The following PRKG1 variants were observed in gnomAD, a reference collection of about 807,000 sequenced individuals.
PRKG1 encodes the protein protein kinase cGMP-dependent 1.
Under a neutral mutation model 88.1 loss-of-function variants are expected in PRKG1, and 35 were observed. That is an observed-to-expected ratio of 0.40 (90% CI 0.30 to 0.53). The LOEUF (loss-of-function observed/expected upper bound fraction) is 0.53. Among genes scored for constraint, PRKG1 ranks in the 20% least tolerant of loss-of-function variants. PRKG1 has a pLI of 0.59. For synonymous variants in PRKG1, 303 were observed against 292.5 expected (o/e 1.04, Z -0.37); for missense variants, 540 against 839.8 (o/e 0.64, Z 4.41).
chr10:51,894,993 A>G (rs58346804), intron 4 of PRKG1, among the ~76,000 whole-genome samples: 1,897 of 152,308 alleles, frequency 0.012, 40 homozygotes, highest in African/African-American at 0.044. Flanking sequence ...AAGATGCCTA[A>G]CTGATGAGAA....
At chr10:51,184,848 G>A (rs1433373247) in intron 2 of PRKG1, among the ~76,000 whole-genome samples, 2 of 152,096 alleles carry the variant, frequency 1.3e-5, no homozygotes, top group Non-Finnish European at 2.9e-5. Context: ...AGGTCAAGAG[G>A]CTGACCTTCA....
chr10:51,292,591 T>C (rs1840611564), intron 2 of PRKG1, among the ~76,000 whole-genome samples: 2 of 152,148 alleles, frequency 1.3e-5, no homozygotes, highest in Non-Finnish European at 2.9e-5. Context: ...TAGGATTTGG[T>C]TTTTCTGCAT....
At chr10:51,915,547 A>ATGTG (rs144317430) in intron 5 of PRKG1, among the ~76,000 whole-genome samples, 12 of 145,234 alleles carry the variant, frequency 8.3e-5, no homozygotes, top group African/African-American at 2.7e-4. Context: ...GTGTGTGTGT[A>ATGTG]TGTGTGTGTG....
rs558964035 is a variant in PRKG1, at chr10:51,717,300, G to A, written c.593-87285G>A. Reference sequence around the variant, plus strand: ...GACATGAGCTCTGAGTAACAGCTTAGGCAACAGTTTGGGAACTGTTTGGGA... The same window carrying A: ...GACATGAGCTCTGAGTAACAGCTTAAGCAACAGTTTGGGAACTGTTTGGGA... On this transcript the variant is annotated intron_variant, in intron 3 of 17. Coordinates refer to ENST00000373980, the MANE Select transcript of PRKG1 (RefSeq NM_006258.4). Among the ~76,000 whole-genome samples the A allele has an allele frequency of 1.1e-4, 17 of 152,294 alleles. No homozygotes were observed. In the South Asian group the frequency reaches 2.7e-3, roughly 24 times the overall value.
chr10:52,056,422 A>C (rs1846111248), intron 6 of PRKG1, among the ~76,000 whole-genome samples: 2 of 152,162 alleles, frequency 1.3e-5, no homozygotes, highest in Non-Finnish European at 1.5e-5. Context: ...TTTTGTTACC[A>C]CCCTGTTAGT....
At chr10:51,660,560 C>T (rs193232172) in intron 3 of PRKG1, among the ~76,000 whole-genome samples, 1 of 152,238 alleles carries the variant, frequency 6.6e-6, no homozygotes, top group Admixed American at 6.5e-5. Context: ...CTTATAGTGA[C>T]TCTTTCTCAT....
At chr10:51,998,684 T>G (rs1844516139) in intron 5 of PRKG1, among the ~76,000 whole-genome samples, 2 of 152,216 alleles carry the variant, frequency 1.3e-5, no homozygotes, top group Non-Finnish European at 2.9e-5. Flanking sequence ...CATAGGTGTT[T>G]GTTTGTTACA....
intron 2 of PRKG1, among the ~76,000 whole-genome samples, chr10:51,324,671 G>A (rs1841541797): frequency 1.3e-5 from 2 of 152,092 alleles, no homozygotes; most frequent in Admixed American, 1.3e-4. Flanking sequence ...AACCTGGGAG[G>A]CGGAGCTTGC....
At chr10:51,009,750 C>A (rs1341938526) in intron 1 of PRKG1, among the ~76,000 whole-genome samples, 3 of 152,046 alleles carry the variant, frequency 2.0e-5, no homozygotes, top group African/African-American at 7.2e-5. Flanking sequence ...TTCAAAGAAT[C>A]CAGATTTCTG....
chr10:51,572,502 C>T (rs926767660), intron 3 of PRKG1, among the ~76,000 whole-genome samples: 1 of 151,742 alleles, frequency 6.6e-6, no homozygotes, highest in African/African-American at 2.4e-5. Flanking sequence ...AGACATTATC[C>T]AGGTCAATAT....
intron 8 of PRKG1, among the ~76,000 whole-genome samples, chr10:52,160,304 A>G (rs1838245086): frequency 6.6e-6 from 1 of 151,966 alleles, no homozygotes; most frequent in African/African-American, 2.4e-5. Flanking sequence ...TGTGGGAATT[A>G]TATTTATTAT....
At chr10:51,522,868 C>A (rs1841771063) in intron 3 of PRKG1, among the ~76,000 whole-genome samples, 2 of 152,020 alleles carry the variant, frequency 1.3e-5, no homozygotes, top group African/African-American at 4.8e-5. Context: ...GACTTTAATG[C>A]TCTTAAGGTG....
intron 14 of PRKG1, among the ~76,000 whole-genome samples, chr10:52,282,669 A>G (rs558225418): frequency 4.1e-4 from 62 of 152,228 alleles, no homozygotes; most frequent in African/African-American, 1.3e-3. Flanking sequence ...TCAATTTTCT[A>G]TAGAAGTAAG....
chr10:51,528,313 G>T (rs1039348493), intron 3 of PRKG1, among the ~76,000 whole-genome samples: 2 of 152,142 alleles, frequency 1.3e-5, no homozygotes, highest in African/African-American at 4.8e-5. Flanking sequence ...TTGAATATTA[G>T]AAAGTCAGTT....
chr10:52,124,263 C>T (rs1157882212), intron 7 of PRKG1, among the ~76,000 whole-genome samples: 1 of 152,168 alleles, frequency 6.6e-6, no homozygotes, highest in East Asian at 1.9e-4. Context: ...AGTCTACTCA[C>T]ACAAACCTAG....
intron 3 of PRKG1, among the ~76,000 whole-genome samples, chr10:51,502,377 G>C (rs1434398179): frequency 6.6e-6 from 1 of 152,140 alleles, no homozygotes; most frequent in Non-Finnish European, 1.5e-5. Context: ...GCTCTGAGGA[G>C]CACAAATTGC....
At chr10:51,290,188 T>G (rs916826317) in intron 2 of PRKG1, among the ~76,000 whole-genome samples, 1 of 152,066 alleles carries the variant, frequency 6.6e-6, no homozygotes, top group Non-Finnish European at 1.5e-5. Flanking sequence ...TAAAGCGAAC[T>G]ATGATTGTGC....
intron 2 of PRKG1, among the ~76,000 whole-genome samples, chr10:51,408,261 C>T (rs1351628534): frequency 6.6e-6 from 1 of 152,226 alleles, no homozygotes; most frequent in Non-Finnish European, 1.5e-5. Flanking sequence ...TTGTGACTAC[C>T]AAAGGCCATT....
chr10:51,167,358 C>G (rs1435338172), intron 2 of PRKG1, among the ~76,000 whole-genome samples: 1 of 151,960 alleles, frequency 6.6e-6, no homozygotes, highest in African/African-American at 2.4e-5. Context: ...AAAAGTTTGA[C>G]ACATTAAAAG....
Sources: gnomAD v4.1 joint callset for allele counts (sites outside exome capture counted in the v4.1 genomes callset) on GRCh38, gnomAD v4.1.1 for gene constraint, MANE v1.5 for transcripts, NCBI Gene and HGNC (gene_info 2026-07-23, HGNC 2026-07-21) for gene names.